CDH12: variants seen among roughly 807,000 people sequenced by gnomAD.
CDH12 encodes the protein cadherin 12.
In CDH12, 41 loss-of-function variants were observed where a neutral mutation model predicts 74.1. That is an observed-to-expected ratio of 0.55 (90% CI 0.43 to 0.72). The LOEUF is 0.72. Ranked by LOEUF, CDH12 falls within the 30% of genes least tolerant of loss-of-function variation. The probability of loss-of-function intolerance (pLI) is 0.00; values close to 1 mark genes in which losing one functional copy is unlikely to be tolerated. For synonymous variants in CDH12, 399 were observed against 355.0 expected (o/e 1.12, Z -1.39); for missense variants, 945 against 977.2 (o/e 0.97, Z 0.44).
intron 3 of CDH12, among the ~76,000 whole-genome samples, chr5:22,299,786 T>C (rs1019253136): frequency 9.2e-5 from 14 of 152,208 alleles, no homozygotes; most frequent in Non-Finnish European, 1.9e-4. Context: ...TTGAAAGACA[T>C]TTTTATTTCC....
intron 1 of CDH12, among the ~76,000 whole-genome samples, chr5:22,716,221 A>G (rs1743569820): frequency 6.6e-6 from 1 of 152,144 alleles, no homozygotes; most frequent in Non-Finnish European, 1.5e-5. Flanking sequence ...AACCCAAAAT[A>G]TTAACAGAAT....
intron 5 of CDH12, among the ~76,000 whole-genome samples, chr5:22,050,897 A>G (rs1261479616): frequency 2.0e-5 from 3 of 152,132 alleles, no homozygotes; most frequent in African/African-American, 4.8e-5. Flanking sequence ...AAAATGCAAT[A>G]TTACTACCAG....
chr5:21,796,881 T>C (rs1159989949), intron 10 of CDH12, among the ~76,000 whole-genome samples: 2 of 152,244 alleles, frequency 1.3e-5, no homozygotes, highest in Admixed American at 6.5e-5. Flanking sequence ...GAAAAGCCCC[T>C]ACTTCACTAA....
rs114509295 is a variant in CDH12 at position 22,381,895 on chromosome 5, G to A, written c.-333+23362C>T. Among the ~76,000 whole-genome samples, 1,273 of 150,914 alleles carry A rather than the reference G, an allele frequency of 8.4e-3. 18 individuals carry two copies. Among genetic ancestry groups the A allele is most frequent in the African/African-American group, 0.03 (1,221 of 41,302 alleles). On this transcript the variant is annotated intron_variant, in intron 3 of 14. Transcript: ENST00000382254. The stretch of plus-strand genomic sequence containing the variant: ...CATTCATATGAAAGCATGAAGTCAA[G>A]AGGAAAATCAGGAAATTTAATGGAA...
intron 1 of CDH12, among the ~76,000 whole-genome samples, chr5:22,814,309 G>T (rs538878700): frequency 1.1e-4 from 17 of 152,154 alleles, no homozygotes; most frequent in Admixed American, 9.2e-4. Context: ...TGTCTTGCCT[G>T]CCTCACCAAG....
chr5:22,449,062 A>G (rs568696629), intron 2 of CDH12, among the ~76,000 whole-genome samples: 1 of 149,626 alleles, frequency 6.7e-6, no homozygotes, highest in East Asian at 1.9e-4. Flanking sequence ...TTTATCTCAT[A>G]TATATATATA....
At chr5:21,846,418 A>G (rs1404147723) in intron 7 of CDH12, among the ~76,000 whole-genome samples, 4 of 64,836 alleles carry the variant, frequency 6.2e-5, no homozygotes, top group Non-Finnish European at 1.9e-4. Flanking sequence ...GGGAAAAGGA[A>G]CCTTGGGGTT....
chr5:22,709,119 C>A (rs1057142862), intron 1 of CDH12, among the ~76,000 whole-genome samples: 1 of 152,118 alleles, frequency 6.6e-6, no homozygotes, highest in South Asian at 2.1e-4. Flanking sequence ...TTGCAGTCTC[C>A]CGCAGGACCT....
At chr5:22,118,882 G>T (rs1172806559) in intron 4 of CDH12, among the ~76,000 whole-genome samples, 1 of 152,112 alleles carries the variant, frequency 6.6e-6, no homozygotes, top group African/African-American at 2.4e-5. Context: ...AAGGAGTATA[G>T]TTGGGGTGGG....
chr5:22,716,002 T>C (rs1743556301), intron 1 of CDH12, among the ~76,000 whole-genome samples: 4 of 151,810 alleles, frequency 2.6e-5, no homozygotes, highest in Admixed American at 2.6e-4. Flanking sequence ...CCGAGTGTGA[T>C]GGTGCGTGCC....
At chr5:22,736,939 A>T (rs1438340985) in intron 1 of CDH12, among the ~76,000 whole-genome samples, 1 of 151,984 alleles carries the variant, frequency 6.6e-6, no homozygotes, top group Admixed American at 6.6e-5. Flanking sequence ...ACTTTATTTG[A>T]AATTTAATTC....
chr5:22,819,076 T>C (rs966118538), intron 1 of CDH12, among the ~76,000 whole-genome samples: 1 of 152,032 alleles, frequency 6.6e-6, no homozygotes, highest in African/African-American at 2.4e-5. Flanking sequence ...ATCTGAAAAA[T>C]GAATCAGTGT....
intron 1 of CDH12, among the ~76,000 whole-genome samples, chr5:22,848,201 G>A (rs1214812071): frequency 1.3e-5 from 2 of 152,092 alleles, no homozygotes; most frequent in African/African-American, 4.8e-5. Context: ...GAAATATGAT[G>A]GCAAAACTTT....
intron 1 of CDH12, among the ~76,000 whole-genome samples, chr5:22,772,624 A>G (rs537984801): frequency 1.2e-3 from 176 of 152,244 alleles, no homozygotes; most frequent in African/African-American, 4.0e-3. Context: ...CAAGTTGCAC[A>G]TATTTCTGTT....
At chr5:21,988,489 C>T (rs71601526) in intron 5 of CDH12, among the ~76,000 whole-genome samples, 1 of 45,978 alleles carries the variant, frequency 2.2e-5, no homozygotes, top group East Asian at 6.8e-4. Flanking sequence ...GAGACTCCGT[C>T]TCAAAAAAAA....
chr5:22,676,474 G>A (rs1283952133), intron 1 of CDH12, among the ~76,000 whole-genome samples: 1 of 152,106 alleles, frequency 6.6e-6, no homozygotes, highest in East Asian at 1.9e-4. Context: ...TCTATTACCT[G>A]AGCAGCATCT....
chr5:21,795,696 A>G (rs1331877894), intron 10 of CDH12, among the ~76,000 whole-genome samples: 10 of 151,956 alleles, frequency 6.6e-5, no homozygotes, highest in African/African-American at 9.7e-5. Flanking sequence ...CATTTTTTCA[A>G]ACATTTAATA....
At chr5:22,008,448 C>T (rs1737093765) in intron 5 of CDH12, among the ~76,000 whole-genome samples, 1 of 151,988 alleles carries the variant, frequency 6.6e-6, no homozygotes, top group South Asian at 2.1e-4. Flanking sequence ...AGGCTGGTCT[C>T]CAACTCCTGA....
At chr5:22,350,708 T>C (rs534316231) in intron 3 of CDH12, among the ~76,000 whole-genome samples, 5 of 152,256 alleles carry the variant, frequency 3.3e-5, no homozygotes, top group South Asian at 2.1e-4. Context: ...CATTTCAAAG[T>C]TGTAGTAATT....
Sources: allele counts gnomAD v4.1 joint callset (sites outside exome capture counted in the v4.1 genomes callset), GRCh38; gene constraint gnomAD v4.1.1; transcripts MANE v1.5; gene names NCBI Gene and HGNC (gene_info 2026-07-23, HGNC 2026-07-21).